The following RNF169 variants were observed in gnomAD, a reference collection of about 807,000 sequenced individuals.
The protein encoded by RNF169 is E3 ubiquitin-protein ligase RNF169.
In RNF169, 24 loss-of-function variants were observed where a neutral mutation model predicts 53.9. The observed-to-expected ratio is 0.45, with a 90% confidence interval of 0.32 to 0.63. The LOEUF (loss-of-function observed/expected upper bound fraction) is 0.63, where lower values mean the gene tolerates loss of function less well. Ranked by LOEUF, RNF169 falls within the 20% of genes least tolerant of loss-of-function variation. The pLI is 0.04. For missense variants in RNF169, 883 were observed against 906.2 expected, an observed-to-expected ratio of 0.97 and a Z score of 0.33; for synonymous variants, 396 against 363.5, an observed-to-expected ratio of 1.09 and a Z score of -1.02.
intron 1 of RNF169, among the ~76,000 whole-genome samples, chr11:74,777,711 A>T (rs919741065): frequency 6.6e-6 from 1 of 151,912 alleles, no homozygotes; most frequent in African/African-American, 2.4e-5. Flanking sequence ...GCAGTGGCAC[A>T]ATCAAGGCTC....
chr11:74,785,036 T>G (rs1296448418), intron 1 of RNF169, among the ~76,000 whole-genome samples: 2 of 151,674 alleles, frequency 1.3e-5, no homozygotes, highest in Non-Finnish European at 2.9e-5. Flanking sequence ...CTTCATTGGT[T>G]ACTACTACTG....
intron 3 of RNF169, among the ~76,000 whole-genome samples, chr11:74,813,694 G>GT: frequency 6.6e-6 from 1 of 152,188 alleles, no homozygotes; most frequent in South Asian, 2.1e-4. Context: ...TATACATACT[G>GT]TTTTTCTTTT....
chr11:74,806,119 T>C (rs1037621560), intron 2 of RNF169, among the ~76,000 whole-genome samples: 2 of 151,986 alleles, frequency 1.3e-5, no homozygotes, highest in African/African-American at 4.8e-5. Context: ...CCAAAAAATA[T>C]AAAGAACTCT....
intron 4 of RNF169, among the ~76,000 whole-genome samples, chr11:74,826,208 C>T (rs1435104704): frequency 6.6e-6 from 1 of 152,102 alleles, no homozygotes; most frequent in African/African-American, 2.4e-5. Context: ...CACCTGTAAT[C>T]CCAGCTACTC....
chr11:74,760,402 T>A (rs2035062432), intron 1 of RNF169, among the ~76,000 whole-genome samples: 1 of 151,860 alleles, frequency 6.6e-6, no homozygotes, highest in Non-Finnish European at 1.5e-5. Context: ...ATTGTGATGT[T>A]AGGGTGTCAA....
Position 74,834,781 on chromosome 11 carries a change from C to T in RNF169, c.942+6C>T, listed in dbSNP as rs1310046361. 6.2e-7 allele frequency: 1 copy of T among 1,608,618 alleles called. No homozygotes were observed. The highest frequency in any genetic ancestry group is 8.5e-7 in the Non-Finnish European group (1 of 1,175,806). ...TTCCAGGCAACAAAGCCAAGGTACA[C>T]CTCAGCCACAGACCTCCGGGGCTTG... On this transcript the variant is annotated splice_donor_region_variant and intron_variant, in intron 5 of 5. Transcript: ENST00000299563.
intron 1 of RNF169, among the ~76,000 whole-genome samples, chr11:74,770,857 G>A (rs189239164): frequency 6.6e-6 from 1 of 152,212 alleles, no homozygotes. Context: ...TTAGGCTGGA[G>A]TGCAGTGGCA....
rs1240331658 is a variant in RNF169, at chr11:74,838,497, CCAAA to C, written c.*1770_*1773del. Reference sequence around the variant, plus strand: ...GCAGCTCATAGTTCCCAAACAGTTCCCAAACAGAAATTCCAGAGATGTCTTAAAC... The same window carrying C: ...GCAGCTCATAGTTCCCAAACAGTTCCCAGAAATTCCAGAGATGTCTTAAAC... On this transcript the variant is annotated 3_prime_UTR_variant, in exon 6 of 6. Coordinates refer to ENST00000299563, the MANE Select transcript of RNF169 (RefSeq NM_001098638.2). 1 of 152,130 alleles carries C rather than the reference CCAAA, an allele frequency of 6.6e-6. No homozygotes were observed. Among genetic ancestry groups the C allele is most frequent in the African/African-American group, 2.4e-5 (1 of 41,428 alleles). The allele number at this position is 152,130 out of a possible 1,614,324, so 9.4% of individuals were successfully genotyped here.
At position 74,749,249 on chromosome 11, in the gene RNF169, G is replaced by C. The variant is rs2034844864; in HGVS notation, c.369G>C (p.Gln123His). Residue 123 changes from glutamine to histidine, a missense_variant, in exon 1 of 6, where the codon CAG (glutamine) becomes CAC (histidine). By Grantham distance (24) the Gln-to-His change is conservative. This residue lies in a region of RNF169 where 313 missense variants were observed against 279.9 expected (regional missense o/e 1.12). Coordinates refer to ENST00000299563, the MANE Select transcript of RNF169 (RefSeq NM_001098638.2). ...GCCGTCGGGCCCGCGACGACGGCCA[G>C]GCCGACTCAGAGGTGCTGGGCGAGT... ...WARRRARDDG[Q>H]ADSEVLGECA... is the part of the protein sequence containing the mutation. 2.7e-6 allele frequency: 3 copies of C among 1,097,170 alleles called. No individual in the cohort carries two copies. The highest frequency in any genetic ancestry group is 1.0e-4 in the Admixed American group (2 of 19,926). 68.0% of individuals were successfully genotyped at this position (1,097,170 alleles called of 1,614,324 possible). A position where few individuals can be genotyped will look rare whatever the true frequency, so the allele number is the denominator to read the frequency against.
chr11:74,786,382 A>G (rs114754430), intron 1 of RNF169, among the ~76,000 whole-genome samples: 3,225 of 151,676 alleles, frequency 0.021, 111 homozygotes, highest in African/African-American at 0.074. Flanking sequence ...ATAGGTGTGC[A>G]CCATCATGCC....
intron 3 of RNF169, among the ~76,000 whole-genome samples, chr11:74,817,041 T>G (rs1200862703): frequency 6.6e-6 from 1 of 152,136 alleles, no homozygotes; most frequent in Non-Finnish European, 1.5e-5. Flanking sequence ...GCAATGACCA[T>G]GAATATAAAT....
chr11:74,760,235 A>T (rs1029195028), intron 1 of RNF169, among the ~76,000 whole-genome samples: 1 of 151,010 alleles, frequency 6.6e-6, no homozygotes, highest in African/African-American at 2.4e-5. Flanking sequence ...TGGTCTATCA[A>T]TTTTGTTGAT....
intron 2 of RNF169, among the ~76,000 whole-genome samples, chr11:74,791,249 T>C (rs977325163): frequency 2.6e-5 from 4 of 152,176 alleles, no homozygotes; most frequent in African/African-American, 9.7e-5. Flanking sequence ...TTTTATGGGC[T>C]TCAGAGGGGA....
chr11:74,754,731 A>AT (rs956993881), intron 1 of RNF169, among the ~76,000 whole-genome samples: 2 of 152,070 alleles, frequency 1.3e-5, no homozygotes, highest in Non-Finnish European at 2.9e-5. Flanking sequence ...GAGGCAGGAG[A>AT]TTCGCTTCAA....
chr11:74,798,937 T>C (rs2035689617), intron 2 of RNF169, among the ~76,000 whole-genome samples: 1 of 151,968 alleles, frequency 6.6e-6, no homozygotes, highest in Non-Finnish European at 1.5e-5. Flanking sequence ...GCTTGTGGTT[T>C]CAGCTACTCA....
At chr11:74,832,958 T>C (rs921033168) in intron 4 of RNF169, among the ~76,000 whole-genome samples, 2 of 152,184 alleles carry the variant, frequency 1.3e-5, no homozygotes, top group African/African-American at 4.8e-5. Flanking sequence ...TATAGGGGGA[T>C]GTTGAAATTT....
rs1256007404 is a variant in RNF169 at position 74,836,184 on chromosome 11, A to C, written c.1581A>C (p.Glu527Asp). ...AAAGTAGCACTGAGATCCCACTGGAAACCTGCTGTTCCTCAGAACTCAAAG... is the reference window on the plus strand; with the variant it reads ...AAAGTAGCACTGAGATCCCACTGGACACCTGCTGTTCCTCAGAACTCAAAG... ...DNKSSTEIPL[E>D]TCCSSELKGG... The change falls in exon 6 of 6, where the codon GAA becomes GAC. Residue 527 changes from glutamate to aspartate, a missense_variant. Physicochemically the swap from Glu to Asp is conservative, Grantham distance 45. Transcript: ENST00000299563. The C allele has an allele frequency of 6.2e-7, 1 of 1,614,246 alleles. No individual in the cohort carries two copies. The highest frequency in any genetic ancestry group is 1.3e-5 in the African/African-American group (1 of 75,068).
intron 2 of RNF169, among the ~76,000 whole-genome samples, chr11:74,796,674 G>A (rs779045419): frequency 1.7e-4 from 26 of 151,820 alleles, no homozygotes; most frequent in Non-Finnish European, 3.4e-4. Context: ...TGAAGGTGGG[G>A]GAAAAGATTG....
intron 4 of RNF169, chr11:74,832,535 G>A (rs1167603223): frequency 1.3e-5 from 2 of 152,116 alleles, no homozygotes; most frequent in Non-Finnish European, 1.5e-5. Context: ...TCTTAATTAT[G>A]TAATATTTGG....
Sources: gnomAD v4.1 joint callset for allele counts (sites outside exome capture counted in the v4.1 genomes callset) on GRCh38, gnomAD v4.1.1 for gene constraint, gnomAD v4.1.1 regional missense constraint, MANE v1.5 for transcripts, NCBI Gene and HGNC (gene_info 2026-07-23, HGNC 2026-07-21) for gene names.